The following ADAMTSL1 variants were observed in gnomAD, a reference collection of about 807,000 sequenced individuals.
The protein encoded by ADAMTSL1 is ADAMTS like 1, also known as ADAMTS-like protein 1.
Under a neutral mutation model 201.8 loss-of-function variants are expected in ADAMTSL1, and 126 were observed. That is an observed-to-expected ratio of 0.62 (90% confidence interval 0.54 to 0.72). The LOEUF is 0.72. ADAMTSL1 is among the 30% of genes least tolerant of loss of function. ADAMTSL1 has a pLI of 0.00. For synonymous variants in ADAMTSL1, 1,121 were observed against 903.4 expected, an observed-to-expected ratio of 1.24 and a Z score of -4.32; for missense variants, 2,679 against 2,277.8, an observed-to-expected ratio of 1.18 and a Z score of -3.59.
At chr9:17,958,703 C>A (rs1296621273) in intron 1 of ADAMTSL1, among the ~76,000 whole-genome samples, 1 of 151,956 alleles carries the variant, frequency 6.6e-6, no homozygotes, top group Admixed American at 6.6e-5. Flanking sequence ...AAAACCAAAC[C>A]CAAACCCAAA....
intron 19 of ADAMTSL1, among the ~76,000 whole-genome samples, chr9:18,794,027 TA>T (rs199713694): frequency 0.011 from 1,612 of 145,852 alleles, 16 homozygotes; most frequent in African/African-American, 0.034. Flanking sequence ...CTTTTCAGAT[TA>T]AAAAAAAAAA....
intron 1 of ADAMTSL1, among the ~76,000 whole-genome samples, chr9:18,162,285 G>A (rs1827424873): frequency 6.6e-6 from 1 of 151,836 alleles, no homozygotes; most frequent in African/African-American, 2.4e-5. Flanking sequence ...CTGTCACATC[G>A]CTGACTTCCT....
intron 2 of ADAMTSL1, among the ~76,000 whole-genome samples, chr9:18,241,523 A>G (rs1373650798): frequency 1.3e-5 from 2 of 152,126 alleles, no homozygotes; most frequent in African/African-American, 4.8e-5. Flanking sequence ...GTAGACTAAA[A>G]CAGCCAAAAT....
rs1832272485 is a variant in ADAMTSL1, at chr9:18,269,467, C to G, written c.207+105486C>G. Among the ~76,000 whole-genome samples, 3 of 151,964 alleles carry G rather than the reference C, an allele frequency of 2.0e-5. No individual in the cohort carries two copies. In the South Asian group the frequency reaches 6.2e-4, roughly 32 times the overall value. ...GATATATAACACATCAAATAAAAAC[C>G]TGACAATTGAACACTAGAAAAAAAT... is the stretch of plus-strand genomic sequence containing the variant. On this transcript the variant is annotated intron_variant, in intron 2 of 29. Coordinates refer to the ADAMTSL1 transcript ENST00000680146.
At chr9:18,817,267 G>A (rs375332334) in intron 21 of ADAMTSL1, 30 bp downstream of exon 21, 45 of 1,547,076 alleles carry the variant, frequency 2.9e-5, no homozygotes, top group Admixed American at 9.9e-5. Context: ...TTGTTCACAC[G>A]TTAATGGAGC....
At chr9:18,007,690 T>C (rs1287931624) in intron 1 of ADAMTSL1, among the ~76,000 whole-genome samples, 4 of 151,908 alleles carry the variant, frequency 2.6e-5, no homozygotes, top group Non-Finnish European at 5.9e-5. Flanking sequence ...CTTCAACACA[T>C]TCACAGAAGT....
At chr9:18,394,769 C>G (rs1199153203) in intron 2 of ADAMTSL1, among the ~76,000 whole-genome samples, 4 of 152,130 alleles carry the variant, frequency 2.6e-5, no homozygotes, top group East Asian at 1.9e-4. Flanking sequence ...CAACATGAGA[C>G]AGTATGAGAA....
chr9:18,255,943 A>T (rs1831666666), intron 2 of ADAMTSL1, among the ~76,000 whole-genome samples: 1 of 152,186 alleles, frequency 6.6e-6, no homozygotes, highest in South Asian at 2.1e-4. Context: ...TCTCATATGC[A>T]ACTGACTTTC....
intron 9 of ADAMTSL1, among the ~76,000 whole-genome samples, chr9:18,668,727 C>T (rs999236284): frequency 4.6e-5 from 7 of 152,208 alleles, no homozygotes; most frequent in African/African-American, 1.7e-4. Flanking sequence ...AGTCACCAAA[C>T]ATCAGCTATC....
chr9:18,457,324 G>A (rs1056090555), intron 2 of ADAMTSL1, among the ~76,000 whole-genome samples: 3 of 151,610 alleles, frequency 2.0e-5, no homozygotes, highest in African/African-American at 7.3e-5. Context: ...ATTAAGGAGG[G>A]AATAATTTCT....
chr9:17,976,609 T>C (rs1818458844), intron 1 of ADAMTSL1, among the ~76,000 whole-genome samples: 1 of 151,952 alleles, frequency 6.6e-6, no homozygotes, highest in African/African-American at 2.4e-5. Flanking sequence ...TACTGAGTTC[T>C]TTGATCAGTC....
intron 7 of ADAMTSL1, among the ~76,000 whole-genome samples, chr9:18,647,052 TGCC>T (rs1827860881): frequency 6.6e-6 from 1 of 152,168 alleles, no homozygotes; most frequent in African/African-American, 2.4e-5. Context: ...TATTGATTAT[TGCC>T]ACAATTTCAG....
At chr9:18,731,856 G>A (rs562729023) in intron 15 of ADAMTSL1, among the ~76,000 whole-genome samples, 11 of 152,172 alleles carry the variant, frequency 7.2e-5, no homozygotes, top group African/African-American at 2.6e-4. Context: ...TCTTGAGGAT[G>A]GTACCAAGAG....
At chr9:17,934,815 A>G (rs1160411727) in intron 1 of ADAMTSL1, among the ~76,000 whole-genome samples, 1 of 151,140 alleles carries the variant, frequency 6.6e-6, no homozygotes, top group Non-Finnish European at 1.5e-5. Context: ...CCGTCATTCT[A>G]CTTGGCGCCC....
intron 16 of ADAMTSL1, among the ~76,000 whole-genome samples, chr9:18,765,122 G>A (rs931898833): frequency 1.3e-5 from 2 of 152,132 alleles, no homozygotes; most frequent in African/African-American, 2.4e-5. Context: ...TCTGAGAACT[G>A]TTCTTATTTA....
At chr9:18,395,771 T>G (rs1817729592) in intron 2 of ADAMTSL1, among the ~76,000 whole-genome samples, 1 of 152,208 alleles carries the variant, frequency 6.6e-6, no homozygotes, top group Admixed American at 6.6e-5. Context: ...CAGCCTGGTT[T>G]AAGTTGGACA....
intron 2 of ADAMTSL1, among the ~76,000 whole-genome samples, chr9:18,376,105 G>T (rs941991827): frequency 6.6e-6 from 1 of 152,156 alleles, no homozygotes; most frequent in East Asian, 1.9e-4. Flanking sequence ...CACTTCTTCT[G>T]TTCCAGAAAT....
At chr9:18,404,232 C>T (rs76636953) in intron 2 of ADAMTSL1, among the ~76,000 whole-genome samples, 1,734 of 152,190 alleles carry the variant, frequency 0.011, 37 homozygotes, top group African/African-American at 0.039. Context: ...TTTATAGAAA[C>T]ATTTTTATCT....
intron 2 of ADAMTSL1, among the ~76,000 whole-genome samples, chr9:18,173,417 T>C (rs142395152): frequency 7.0e-4 from 107 of 152,254 alleles, no homozygotes; most frequent in African/African-American, 2.5e-3. Context: ...GTCAGGATGA[T>C]GAATCTCAGT....
Sources: gnomAD v4.1 joint callset for allele counts (sites outside exome capture counted in the v4.1 genomes callset) on GRCh38, gnomAD v4.1.1 for gene constraint, MANE v1.5 for transcripts, NCBI Gene and HGNC (gene_info 2026-07-23, HGNC 2026-07-21) for gene names.